The following KCNQ1 variants were observed in gnomAD, a reference collection of about 807,000 sequenced individuals.
KCNQ1 encodes potassium voltage-gated channel subfamily KQT member 1.
Under a neutral mutation model 72.4 loss-of-function variants are expected in KCNQ1, and 49 were observed. That is an observed-to-expected ratio of 0.68 (90% CI 0.54 to 0.86). The LOEUF (loss-of-function observed/expected upper bound fraction) is 0.86, where lower values mean the gene tolerates loss of function less well. Ranked by LOEUF, KCNQ1 falls within the 40% of genes least tolerant of loss-of-function variation. The probability of loss-of-function intolerance (pLI) is 0.00; values close to 1 mark genes in which losing one functional copy is unlikely to be tolerated. For synonymous variants in KCNQ1, 450 were observed against 412.6 expected (o/e 1.09, Z -1.10); for missense variants, 790 against 945.1 (o/e 0.84, Z 2.15).
rs1848837952 is a variant in KCNQ1 at position 2,603,640 on chromosome 11, G to A, written c.1393+14786G>A. On this transcript the variant is annotated intron_variant, in intron 10 of 15. Coordinates refer to ENST00000155840, the MANE Select transcript of KCNQ1 (RefSeq NM_000218.3). This position sits in a 1 kb window ranked among gnomAD's most constrained non-coding sequence, Gnocchi z 4.1. Reference sequence around the variant, plus strand: ...GGAATCATACAATGTATGGTCCTTTGTGACTGGTTACTTTCACTTAGCATC... The same window carrying A: ...GGAATCATACAATGTATGGTCCTTTATGACTGGTTACTTTCACTTAGCATC... Among the ~76,000 whole-genome samples, 1 of 152,100 alleles carries A rather than the reference G, an allele frequency of 6.6e-6. No individual in the cohort carries two copies.
At chr11:2,548,458 G>A (rs1419429514) in intron 2 of KCNQ1, among the ~76,000 whole-genome samples, 4 of 152,198 alleles carry the variant, frequency 2.6e-5, no homozygotes, top group Admixed American at 1.3e-4. Context: ...GAAAAATTCC[G>A]GTATAACTAT....
Position 2,482,691 on chromosome 11 carries a change from A to C in KCNQ1, c.386+37207A>C, listed in dbSNP as rs909323706. Among the ~76,000 whole-genome samples the C allele has an allele frequency of 3.9e-5, 6 of 152,138 alleles. No homozygotes were observed. Among genetic ancestry groups the C allele is most frequent in the Non-Finnish European group, 2.9e-5 (2 of 68,038 alleles). On this transcript the variant is annotated intron_variant, in intron 1 of 15. Transcript: ENST00000155840. The surrounding 1 kb of genome is among the most constrained non-coding windows in gnomAD (Gnocchi z 5.7). ...CACCACAAAGCTGGGTATTATCATA[A>C]AAACACTGCCATTATGATGAAGCAA...
Position 2,565,708 on chromosome 11 carries a change from G to A in KCNQ1, c.478-4920G>A, listed in dbSNP as rs188811530. ...GGCCTTGCTAGAAAAGCATACAGTC[G>A]AACGAGTGGGTCCGATGTGGAGTGC... On this transcript the variant is annotated intron_variant, in intron 2 of 15. Transcript: ENST00000155840. This position sits in a 1 kb window ranked among gnomAD's most constrained non-coding sequence, Gnocchi z 5.6. 4.3e-4 allele frequency among the ~76,000 whole-genome samples: 66 copies of A among 152,286 alleles called. No individual in the cohort carries two copies. The Middle Eastern group carries it at 0.01, about 24-fold the overall frequency.
chr11:2,687,657 T>TA lies in KCNQ1; in HGVS notation c.1514+25576_1514+25577insA, dbSNP rs1564858379. On this transcript the variant is annotated intron_variant, in intron 11 of 15. Coordinates refer to ENST00000155840, the MANE Select transcript of KCNQ1 (RefSeq NM_000218.3). This position sits in a 1 kb window ranked among gnomAD's most constrained non-coding sequence, Gnocchi z 5.0. Reference sequence around the variant, plus strand: ...CCCCTGTAAAAATTGGGACCTGTCCTTGCCAGCCAGGTCTCAGGGAGCTCA... The same window carrying TA: ...CCCCTGTAAAAATTGGGACCTGTCCTATGCCAGCCAGGTCTCAGGGAGCTCA... 3 of 398,550 alleles carry TA rather than the reference T, an allele frequency of 7.5e-6. No homozygotes were observed. Among genetic ancestry groups the TA allele is most frequent in the African/African-American group, 2.1e-5 (1 of 48,616 alleles). 24.7% of individuals were successfully genotyped at this position (398,550 alleles called of 1,614,324 possible).
At chr11:2,756,650 C>T (rs971148672) in intron 11 of KCNQ1, among the ~76,000 whole-genome samples, 4 of 151,832 alleles carry the variant, frequency 2.6e-5, no homozygotes, top group South Asian at 4.2e-4. Flanking sequence ...GTGGTTTGGC[C>T]GTGTTGCCCA....
At chr11:2,737,625 A>T (rs1478152217) in intron 11 of KCNQ1, among the ~76,000 whole-genome samples, 1 of 152,242 alleles carries the variant, frequency 6.6e-6, no homozygotes, top group Non-Finnish European at 1.5e-5. Context: ...GTTCACGGCG[A>T]AGAAGCTTTG....
intron 11 of KCNQ1, among the ~76,000 whole-genome samples, chr11:2,737,602 T>A (rs574286423): frequency 1.3e-5 from 2 of 152,200 alleles, no homozygotes; most frequent in African/African-American, 4.8e-5. Context: ...CCAACGTGAG[T>A]GAATTTGACT....
intron 1 of KCNQ1, among the ~76,000 whole-genome samples, chr11:2,474,466 G>A (rs928053591): frequency 1.3e-5 from 2 of 152,220 alleles, no homozygotes; most frequent in Non-Finnish European, 2.9e-5. Flanking sequence ...CCAGATGATG[G>A]GCCCTAAGTG....
At chr11:2,749,151 G>A (rs1284359108) in intron 11 of KCNQ1, among the ~76,000 whole-genome samples, 3 of 152,230 alleles carry the variant, frequency 2.0e-5, no homozygotes, top group African/African-American at 7.2e-5. Flanking sequence ...AGAGACCTCA[G>A]GTCTGTCTCC....
chr11:2,606,248 T>C (rs1343753132), intron 10 of KCNQ1, among the ~76,000 whole-genome samples: 1 of 152,242 alleles, frequency 6.6e-6, no homozygotes, highest in Non-Finnish European at 1.5e-5. Flanking sequence ...CTGAACTCAT[T>C]CGTTGTAATT....
chr11:2,651,198 C>A lies in KCNQ1; in HGVS notation c.1394-10763C>A. 2.5e-6 allele frequency: 1 copy of A among 396,926 alleles called. No individual in the cohort carries two copies. The highest frequency in any genetic ancestry group is 4.4e-6 in the Non-Finnish European group (1 of 225,388). The allele number at this position is 396,926 out of a possible 1,614,324, so 24.6% of individuals were successfully genotyped here. Reference sequence around the variant, plus strand: ...CCTACTCAAATGTTCCGACAGCTTCCTGTCACCCTGTCTTGTGTCAGTCTC... The same window carrying A: ...CCTACTCAAATGTTCCGACAGCTTCATGTCACCCTGTCTTGTGTCAGTCTC... On this transcript the variant is annotated intron_variant, in intron 10 of 15. Coordinates refer to ENST00000155840, the MANE Select transcript of KCNQ1 (RefSeq NM_000218.3). The surrounding 1 kb of genome is among the most constrained non-coding windows in gnomAD (Gnocchi z 6.1).
chr11:2,645,738 T>C lies in KCNQ1; in HGVS notation c.1394-16223T>C. 1 of 398,834 alleles carries C rather than the reference T, an allele frequency of 2.5e-6. No homozygotes were observed. Among genetic ancestry groups the C allele is most frequent in the Non-Finnish European group, 4.4e-6 (1 of 226,240 alleles). 24.7% of individuals were successfully genotyped at this position (398,834 alleles called of 1,614,324 possible). A position where few individuals can be genotyped will look rare whatever the true frequency, so the allele number is the denominator to read the frequency against. On this transcript the variant is annotated intron_variant, in intron 10 of 15. Transcript: ENST00000155840. The surrounding 1 kb of genome is among the most constrained non-coding windows in gnomAD (Gnocchi z 5.8). ...ACCAGCTTTGTGTAAGGGATGTCCATGGGGCTCCAGGGATGAGATAGAGGG... is the reference window on the plus strand; with the variant it reads ...ACCAGCTTTGTGTAAGGGATGTCCACGGGGCTCCAGGGATGAGATAGAGGG...
chr11:2,506,458 A>G (rs987619239), intron 1 of KCNQ1, among the ~76,000 whole-genome samples: 38 of 152,096 alleles, frequency 2.5e-4, no homozygotes, highest in African/African-American at 8.5e-4. Flanking sequence ...TCTCCTATTT[A>G]TGGGCATTTA....
chr11:2,630,598 TAG>T (rs1052567362), intron 10 of KCNQ1: 7 of 398,208 alleles, frequency 1.8e-5, no homozygotes, highest in Non-Finnish European at 3.1e-5. Context: ...ACCTTTATAC[TAG>T]AGTTATGTGA....
rs989800642 is a variant in KCNQ1 at position 2,695,339 on chromosome 11, T to A, written c.1514+33258T>A. 2.5e-6 allele frequency: 1 copy of A among 398,474 alleles called. No individual in the cohort carries two copies. The highest frequency in any genetic ancestry group is 4.4e-6 in the Non-Finnish European group (1 of 226,098). The allele number at this position is 398,474 out of a possible 1,614,324, so 24.7% of individuals were successfully genotyped here. A position where few individuals can be genotyped will look rare whatever the true frequency, so the allele number is the denominator to read the frequency against. On this transcript the variant is annotated intron_variant, in intron 11 of 15. Coordinates refer to ENST00000155840, the MANE Select transcript of KCNQ1 (RefSeq NM_000218.3). This position sits in a 1 kb window ranked among gnomAD's most constrained non-coding sequence, Gnocchi z 5.2. ...ATTTATTTATATCATTGTGTGTGTG[T>A]GTGTGCACTCACGAGCACTCCCTAG... is the stretch of plus-strand genomic sequence containing the variant.
In KCNQ1 at chr11:2,559,432, A is replaced by T. The variant is rs537144147; in HGVS notation, c.478-11196A>T. On this transcript the variant is annotated intron_variant, in intron 2 of 15. Transcript: ENST00000155840. The surrounding 1 kb of genome is among the most constrained non-coding windows in gnomAD (Gnocchi z 4.9). ...TAGAGCCCGGGGCAGGGGGAGGGCC[A>T]GCCCCTGTGGTTTTAGCCTCCTGAG... Among the ~76,000 whole-genome samples the T allele has an allele frequency of 6.6e-6, 1 of 152,226 alleles. No individual in the cohort carries two copies. Among genetic ancestry groups the T allele is most frequent in the South Asian group, 2.1e-4 (1 of 4,828 alleles).
At position 2,626,918 on chromosome 11, in the gene KCNQ1, T is replaced by G. The variant is rs1268743410; in HGVS notation, c.1394-35043T>G. On this transcript the variant is annotated intron_variant, in intron 10 of 15. Coordinates refer to ENST00000155840, the MANE Select transcript of KCNQ1 (RefSeq NM_000218.3). This position sits in a 1 kb window ranked among gnomAD's most constrained non-coding sequence, Gnocchi z 4.0. ...TTAGCTATTCAAGGTCCCTTGAGAT[T>G]CCATGTGAATTTTAGGATGGGGTTT... 2.5e-6 allele frequency: 1 copy of G among 398,546 alleles called. No individual in the cohort carries two copies. Among genetic ancestry groups the G allele is most frequent in the African/African-American group, 2.1e-5 (1 of 48,648 alleles). 24.7% of individuals were successfully genotyped at this position (398,546 alleles called of 1,614,324 possible). A position where few individuals can be genotyped will look rare whatever the true frequency, so the allele number is the denominator to read the frequency against.
At chr11:2,811,796 A>G (rs1564902288) in intron 15 of KCNQ1, among the ~76,000 whole-genome samples, 1 of 152,212 alleles carries the variant, frequency 6.6e-6, no homozygotes, top group Admixed American at 6.5e-5. Flanking sequence ...GGAGACCACC[A>G]AAGAGGAGGG....
intron 11 of KCNQ1, chr11:2,666,837 A>G: frequency 7.5e-6 from 3 of 398,712 alleles, no homozygotes; most frequent in Non-Finnish European, 1.3e-5. Context: ...TCTGGGAACC[A>G]GTGTCCAGAA....
Sources: allele counts gnomAD v4.1 joint callset (sites outside exome capture counted in the v4.1 genomes callset), GRCh38; gene constraint gnomAD v4.1.1; non-coding constraint Gnocchi (gnomAD v3.1); transcripts MANE v1.5; gene names NCBI Gene and HGNC (gene_info 2026-07-23, HGNC 2026-07-21).